The following TET3 variants were observed in gnomAD, a reference collection of about 807,000 sequenced individuals.
The protein encoded by TET3 is tet methylcytosine dioxygenase 3, also known as methylcytosine dioxygenase TET3.
TET3 carries 19 observed loss-of-function variants against 141.4 expected under a neutral mutation model. The observed-to-expected ratio is 0.13, with a 90% CI of 0.09 to 0.20. TET3 has a LOEUF of 0.20. TET3 is among the 10% of genes least tolerant of loss of function. The pLI is 1.00. For synonymous variants in TET3, 1,043 were observed against 980.9 expected (o/e 1.06, Z -1.18); for missense variants, 1,874 against 2,356.9 (o/e 0.80, Z 4.24).
chr2:74,038,110 G>A (rs1182161285), intron 3 of TET3, among the ~76,000 whole-genome samples: 1 of 152,186 alleles, frequency 6.6e-6, no homozygotes, highest in East Asian at 1.9e-4. Flanking sequence ...CACTGTAGAG[G>A]AGGAGGCAGG....
chr2:74,050,302 C>T (rs1687879474), intron 4 of TET3, among the ~76,000 whole-genome samples: 1 of 152,180 alleles, frequency 6.6e-6, no homozygotes, highest in Non-Finnish European at 1.5e-5. Context: ...GTACCGGCCT[C>T]ACCAGGGCTG....
intron 3 of TET3, among the ~76,000 whole-genome samples, chr2:74,009,658 G>A (rs545545490): frequency 1.3e-5 from 2 of 152,300 alleles, no homozygotes; most frequent in South Asian, 4.1e-4. Context: ...ACTCTTCATG[G>A]CTTCAGTCCA....
rs1254628641 is a variant in TET3, at chr2:74,015,307, G to T, written c.360+12141G>T. On this transcript the variant is annotated intron_variant, in intron 3 of 11. Transcript: ENST00000409262. The stretch of plus-strand genomic sequence containing the variant: ...TTTTTTCCAAAATGCAGAAAGTTTT[G>T]AATTTTAAATGAGAATAATGTACGC... Among the ~76,000 whole-genome samples, 4 of 152,116 alleles carry T rather than the reference G, an allele frequency of 2.6e-5. No individual in the cohort carries two copies. In the East Asian group the frequency reaches 7.7e-4, roughly 29 times the overall value.
At chr2:74,075,323 T>C (rs1689443618) in intron 5 of TET3, among the ~76,000 whole-genome samples, 1 of 134,016 alleles carries the variant, frequency 7.5e-6, no homozygotes, top group South Asian at 2.6e-4. Flanking sequence ...CCAAATACTT[T>C]TTTTTTTTTT....
At chr2:74,052,033 G>A (rs1687971851) in intron 4 of TET3, among the ~76,000 whole-genome samples, 1 of 152,218 alleles carries the variant, frequency 6.6e-6, no homozygotes, top group Non-Finnish European at 1.5e-5. Flanking sequence ...ATGCTGGAGT[G>A]CAGTGGCGTG....
chr2:74,037,664 T>G (rs1687140960), intron 3 of TET3, among the ~76,000 whole-genome samples: 1 of 152,200 alleles, frequency 6.6e-6, no homozygotes, highest in Non-Finnish European at 1.5e-5. Context: ...CAAAAACACC[T>G]TCTTGGACAT....
chr2:74,002,285 T>C lies in TET3; in HGVS notation c.304-825T>C, dbSNP rs1298658849. On this transcript the variant is annotated intron_variant, in intron 2 of 11. Coordinates refer to ENST00000409262, the MANE Select transcript of TET3 (RefSeq NM_001287491.2). The stretch of plus-strand genomic sequence containing the variant: ...AGGATGAAGGGGCTATTGCACCTCA[T>C]GCCCTTGTGACAGGGCCCGGTGCCG... Among the ~76,000 whole-genome samples, 10 of 152,204 alleles carry C rather than the reference T, an allele frequency of 6.6e-5. No homozygotes were observed. In the South Asian group the frequency reaches 1.9e-3, roughly 28 times the overall value.
the TET3 span, among the ~76,000 whole-genome samples, chr2:74,120,448 C>CG: frequency 6.6e-6 from 1 of 152,246 alleles, no homozygotes; most frequent in African/African-American, 2.4e-5. Context: ...CACACCTACC[C>CG]GGGGGGAACG....
intron 5 of TET3, among the ~76,000 whole-genome samples, chr2:74,076,786 C>T (rs552531716): frequency 2.0e-5 from 3 of 152,270 alleles, no homozygotes; most frequent in African/African-American, 7.2e-5. Flanking sequence ...GACTCTTCCT[C>T]AACCCTTTCT....
chr2:74,018,955 A>T (rs950158971), intron 3 of TET3, among the ~76,000 whole-genome samples: 4 of 152,152 alleles, frequency 2.6e-5, no homozygotes, highest in Non-Finnish European at 5.9e-5. Context: ...GTGTTCATCA[A>T]AGTTTTAAGG....
At chr2:74,126,184 C>A in the TET3 span, among the ~76,000 whole-genome samples, 2 of 95,762 alleles carry the variant, frequency 2.1e-5, no homozygotes, top group African/African-American at 7.5e-5. Context: ...GAAATTTGGT[C>A]AGTTAACCTG....
At position 74,101,769 on chromosome 2, in the gene TET3, G is replaced by A. The variant is rs1691234083; in HGVS notation, c.4981G>A (p.Gly1661Ser). 4 of 1,612,994 alleles carry A rather than the reference G, an allele frequency of 2.5e-6. No individual in the cohort carries two copies. The highest frequency in any genetic ancestry group is 1.7e-6 in the Non-Finnish European group (2 of 1,179,874). The change falls in exon 12 of 12, where the codon GGC becomes AGC. Residue 1661 changes from glycine to serine, a missense_variant. This residue lies in a region of TET3 where 41 missense variants were observed against 116.8 expected (regional missense o/e 0.35). Coordinates refer to ENST00000409262, the MANE Select transcript of TET3 (RefSeq NM_001287491.2). The surrounding 1 kb of genome is among the most constrained non-coding windows in gnomAD (Gnocchi z 8.5). ...IGGVAVAPAHGSILIECARRE... is the reference protein window; with the variant it reads ...IGGVAVAPAHSSILIECARRE... Reference sequence around the variant, plus strand: ...CGGCGTGGCCGTGGCCCCAGCCCACGGCTCCATCCTCATCGAGTGTGCCCG... The same window carrying A: ...CGGCGTGGCCGTGGCCCCAGCCCACAGCTCCATCCTCATCGAGTGTGCCCG...
At chr2:74,026,205 G>T (rs966633048) in intron 3 of TET3, among the ~76,000 whole-genome samples, 3 of 151,858 alleles carry the variant, frequency 2.0e-5, no homozygotes, top group Non-Finnish European at 4.4e-5. Flanking sequence ...GGCCATCGCT[G>T]GGGGGAGAGA....
chr2:74,010,668 C>T (rs1306128816), intron 3 of TET3, among the ~76,000 whole-genome samples: 1 of 152,244 alleles, frequency 6.6e-6, no homozygotes, highest in Non-Finnish European at 1.5e-5. Flanking sequence ...TTTGAATGTG[C>T]AGTCAGAGTT....
intron 4 of TET3, among the ~76,000 whole-genome samples, chr2:74,065,650 CTT>C (rs1244772562): frequency 2.0e-5 from 3 of 149,880 alleles, no homozygotes; most frequent in Non-Finnish European, 4.4e-5. Context: ...CTTTCTCTCT[CTT>C]CTTTTCTTTT....
At position 74,100,528 on chromosome 2, in the gene TET3, G is replaced by A. The variant is rs771326889; in HGVS notation, c.3740G>A (p.Arg1247Gln). The change falls in exon 12 of 12, where the codon CGG becomes CAG. Residue 1247 changes from arginine (R) to glutamine (Q), a missense_variant. Coordinates refer to ENST00000409262, the MANE Select transcript of TET3 (RefSeq NM_001287491.2). ...AGCTACTCGGTGCTGGGCAACTGCC[G>A]GCCCTCCGACCCTTACAGCATGAAC... Reference protein sequence around the residue: ...VESYSVLGNCRPSDPYSMNSV... With the variant: ...VESYSVLGNCQPSDPYSMNSV... 3.5e-5 allele frequency: 57 copies of A among 1,610,278 alleles called. No homozygotes were observed. Among genetic ancestry groups the A allele is most frequent in the South Asian group, 3.1e-4 (28 of 90,194 alleles).
chr2:74,115,940 T>C, the TET3 span, among the ~76,000 whole-genome samples: 2 of 143,734 alleles, frequency 1.4e-5, no homozygotes, highest in African/African-American at 2.6e-5. Flanking sequence ...GGTTAAGCCC[T>C]GGAGGACACG....
At chr2:74,099,778 G>A (rs897885144) in intron 11 of TET3, among the ~76,000 whole-genome samples, 166 bp downstream of exon 11, 1 of 152,154 alleles carries the variant, frequency 6.6e-6, no homozygotes, top group Non-Finnish European at 1.5e-5. Context: ...AGGAGGCCGT[G>A]GGGATGCAAG....
At chr2:74,002,935 G>A (rs1684941315) in intron 2 of TET3, 175 bp from the exon 3 acceptor site, 1 of 645,902 alleles carries the variant, frequency 1.5e-6, no homozygotes, top group Admixed American at 2.7e-5. Flanking sequence ...TGTCTGCCGT[G>A]ATCCAGGCGG....
Sources: gnomAD v4.1 joint callset for allele counts (sites outside exome capture counted in the v4.1 genomes callset) on GRCh38, gnomAD v4.1.1 for gene constraint, gnomAD v4.1.1 regional missense constraint, Gnocchi (gnomAD v3.1) non-coding constraint, MANE v1.5 for transcripts, NCBI Gene and HGNC (gene_info 2026-07-23, HGNC 2026-07-21) for gene names.